TMEM184B: variants seen among roughly 807,000 people sequenced by gnomAD.
TMEM184B encodes the protein putative MAPK-activating protein FM08.
A neutral mutation model predicts 41.8 loss-of-function variants in TMEM184B; 17 were observed. The observed-to-expected ratio is 0.41, with a 90% CI of 0.28 to 0.61. TMEM184B has a LOEUF of 0.61. Ranked by LOEUF, TMEM184B falls within the 20% of genes least tolerant of loss-of-function variation. The pLI is 0.34. For missense variants in TMEM184B, 393 were observed against 557.8 expected (o/e 0.70, Z 2.98); for synonymous variants, 240 against 229.5 (o/e 1.05, Z -0.41).
In TMEM184B at chr22:38,220,950, C is replaced by G; in HGVS notation, c.*519G>C. ...GGGTCAGGAGGGGAGGACCACAGAG[C>G]GCCCACATCCCCACTCCTGCCCGGG... is the stretch of plus-strand genomic sequence containing the variant. On this transcript the variant is annotated 3_prime_UTR_variant, in exon 9 of 9. Coordinates refer to ENST00000361906, the MANE Select transcript of TMEM184B (RefSeq NM_012264.5). The G allele has an allele frequency of 1.0e-6, 1 of 988,580 alleles. No homozygotes were observed. Among genetic ancestry groups the G allele is most frequent in the Middle Eastern group, 5.2e-4 (1 of 1,922 alleles). The allele number at this position is 988,580 out of a possible 1,614,324, so 61.2% of individuals were successfully genotyped here.
At chr22:38,270,649 C>G (rs1169157464) in intron 1 of TMEM184B, among the ~76,000 whole-genome samples, 1 of 152,200 alleles carries the variant, frequency 6.6e-6, no homozygotes, top group East Asian at 1.9e-4. Context: ...AGACCCCACA[C>G]AGAGCTCTCC....
chr22:38,245,412 C>G (rs922947653), intron 3 of TMEM184B, among the ~76,000 whole-genome samples: 1 of 145,168 alleles, frequency 6.9e-6, no homozygotes, highest in Non-Finnish European at 1.5e-5. Context: ...AGAAGCGAGA[C>G]CCAGGGGGAG....
At chr22:38,251,778 G>T (rs772010253) in intron 1 of TMEM184B, among the ~76,000 whole-genome samples, 1 of 152,136 alleles carries the variant, frequency 6.6e-6, no homozygotes, top group African/African-American at 2.4e-5. Flanking sequence ...CTTTACTCCC[G>T]TGGGGAAAGG....
chr22:38,272,415 A>G, intron 1 of TMEM184B: 1 of 958,030 alleles, frequency 1.0e-6, no homozygotes, highest in Non-Finnish European at 1.2e-6. Context: ...CCCTCCACTC[A>G]CGACGCAGCC....
chr22:38,223,915 C>A (rs2091340377), intron 8 of TMEM184B: 1 of 152,286 alleles, frequency 6.6e-6, no homozygotes. Context: ...GCACACCCAG[C>A]CTGCCAGCCC....
At chr22:38,244,738 G>A (rs982988942) in intron 3 of TMEM184B, among the ~76,000 whole-genome samples, 1 of 152,220 alleles carries the variant, frequency 6.6e-6, no homozygotes. Flanking sequence ...TTTCAGGCGT[G>A]AGCCACTGCA....
At chr22:38,217,620 C>G (rs1260975281), downstream of TMEM184B, among the ~76,000 whole-genome samples, 1 of 148,008 alleles carries the variant, frequency 6.8e-6, no homozygotes, top group Non-Finnish European at 1.5e-5. Context: ...CCAGCCTGGG[C>G]GACAGAGTGA....
At chr22:38,253,390 C>A (rs184377697) in intron 1 of TMEM184B, among the ~76,000 whole-genome samples, 7 of 151,766 alleles carry the variant, frequency 4.6e-5, no homozygotes, top group Admixed American at 4.6e-4. Context: ...GGCAACATAG[C>A]GAAACCCTGT....
intron 3 of TMEM184B, among the ~76,000 whole-genome samples, chr22:38,237,568 G>A (rs922485006): frequency 6.6e-5 from 10 of 152,234 alleles, no homozygotes; most frequent in African/African-American, 2.2e-4. Context: ...CTGTATTTCA[G>A]ATAACGGGTG....
At chr22:38,238,956 C>A (rs193079350) in intron 3 of TMEM184B, among the ~76,000 whole-genome samples, 1 of 152,312 alleles carries the variant, frequency 6.6e-6, no homozygotes, top group East Asian at 1.9e-4. Context: ...TGATGAAAAA[C>A]ACGTGGGAAA....
At chr22:38,232,474 C>T (rs922321897) in intron 3 of TMEM184B, among the ~76,000 whole-genome samples, 2 of 151,956 alleles carry the variant, frequency 1.3e-5, no homozygotes, top group South Asian at 2.1e-4. Flanking sequence ...GTGGAGAAGG[C>T]GGGGGAAGGG....
intron 3 of TMEM184B, among the ~76,000 whole-genome samples, chr22:38,233,504 G>A (rs1241936294): frequency 6.6e-6 from 1 of 152,242 alleles, no homozygotes; most frequent in Non-Finnish European, 1.5e-5. Context: ...CCTAGACAGG[G>A]CTGAGGGCTG....
In TMEM184B at chr22:38,221,312, C is replaced by T. The variant is rs895767647; in HGVS notation, c.*157G>A. The T allele has an allele frequency of 8.4e-6, 12 of 1,436,222 alleles. No homozygotes were observed. Among genetic ancestry groups the T allele is most frequent in the East Asian group, 2.5e-5 (1 of 40,024 alleles). 89.0% of individuals were successfully genotyped at this position (1,436,222 alleles called of 1,614,324 possible). On this transcript the variant is annotated 3_prime_UTR_variant, in exon 9 of 9. Coordinates refer to ENST00000361906, the MANE Select transcript of TMEM184B (RefSeq NM_012264.5). ...CCCATGGGCGAGCCTGGCTGTCCCC[C>T]GTTCCTCTGGAAGTGACATGTGAGT...
At chr22:38,244,455 G>A (rs565205436) in intron 3 of TMEM184B, among the ~76,000 whole-genome samples, 18 of 151,974 alleles carry the variant, frequency 1.2e-4, no homozygotes, top group African/African-American at 4.3e-4. Flanking sequence ...TATCAATGTA[G>A]GGGTCTTTTT....
Position 38,220,357 on chromosome 22 carries a change from G to A in TMEM184B, c.*1112C>T, listed in dbSNP as rs2091224565. ...CGTGTGGGACAGATGGGGAGCCAGG[G>A]AGGGGCGCTTTCATATGTGACTAAG... On this transcript the variant is annotated 3_prime_UTR_variant, in exon 9 of 9. Coordinates refer to ENST00000361906, the MANE Select transcript of TMEM184B (RefSeq NM_012264.5). 1 of 986,170 alleles carries A rather than the reference G, an allele frequency of 1.0e-6. No homozygotes were observed. The allele number at this position is 986,170 out of a possible 1,614,324, so 61.1% of individuals were successfully genotyped here.
intron 3 of TMEM184B, among the ~76,000 whole-genome samples, chr22:38,233,023 T>C (rs1207872213): frequency 6.6e-6 from 1 of 152,172 alleles, no homozygotes; most frequent in African/African-American, 2.4e-5. Flanking sequence ...CCCTCTCGCC[T>C]TCCTCAGGAC....
chr22:38,219,183 A>G (rs1363252580), downstream of TMEM184B: 1 of 864,290 alleles, frequency 1.2e-6, no homozygotes, highest in Non-Finnish European at 1.4e-6. Context: ...AAGGTTACAC[A>G]CAGGAAGGAG....
chr22:38,228,082 A>T (rs536268630), intron 5 of TMEM184B, among the ~76,000 whole-genome samples: 75 of 152,286 alleles, frequency 4.9e-4, no homozygotes, highest in African/African-American at 1.7e-3. Context: ...TGGGGATCTG[A>T]GTGGGTCTTG....
At chr22:38,264,264 C>T (rs1026009284) in intron 1 of TMEM184B, among the ~76,000 whole-genome samples, 1 of 152,212 alleles carries the variant, frequency 6.6e-6, no homozygotes. Context: ...CAGTAAAAGG[C>T]TAGGCCCACT....
Sources: gnomAD v4.1 joint callset for allele counts (sites outside exome capture counted in the v4.1 genomes callset) on GRCh38, gnomAD v4.1.1 for gene constraint, MANE v1.5 for transcripts, NCBI Gene and HGNC (gene_info 2026-07-23, HGNC 2026-07-21) for gene names.